The following ZNF558 variants were observed in gnomAD, a reference collection of about 807,000 sequenced individuals.
The protein encoded by ZNF558 is zinc finger protein 558.
A neutral mutation model predicts 37.6 loss-of-function variants in ZNF558; 23 were observed. That is an observed-to-expected ratio of 0.61 (90% confidence interval 0.44 to 0.87). ZNF558 has a LOEUF of 0.87. ZNF558 is among the 40% of genes least tolerant of loss of function. The pLI is 0.00. For synonymous variants in ZNF558, 189 were observed against 174.4 expected, an observed-to-expected ratio of 1.08 and a Z score of -0.66; for missense variants, 429 against 483.7, an observed-to-expected ratio of 0.89 and a Z score of 1.06.
chr19:8,822,170 C>T lies in ZNF558; in HGVS notation c.32-79G>A. 1 of 1,557,488 alleles carries T rather than the reference C, an allele frequency of 6.4e-7. No individual in the cohort carries two copies. The highest frequency in any genetic ancestry group is 8.8e-7 in the Non-Finnish European group (1 of 1,136,182). ...TCTGCCCCTGATTGACCACACCCAC[C>T]TCCCACACCCACACGGATGAGGCAC... On this transcript the variant is annotated intron_variant, in intron 5 of 9. Transcript: ENST00000601372. The surrounding 1 kb of genome is among the most constrained non-coding windows in gnomAD (Gnocchi z 4.4).
rs78045820 is a variant in ZNF558, at chr19:8,819,151, G to C, written c.247+2029C>G. Among the ~76,000 whole-genome samples, 428 of 152,200 alleles carry C rather than the reference G, an allele frequency of 2.8e-3. 4 individuals carry two copies. Among genetic ancestry groups the C allele is most frequent in the African/African-American group, 9.9e-3 (410 of 41,536 alleles). The stretch of plus-strand genomic sequence containing the variant: ...TCACACCAAGAGCACAAGCAAAAAA[G>C]AAAAACTAGATACAACAGACTTCAT... On this transcript the variant is annotated intron_variant, in intron 7 of 9. Transcript: ENST00000601372.
Position 8,812,076 on chromosome 19 carries a change from A to G in ZNF558, c.427-13T>C, listed in dbSNP as rs782167768. On this transcript the variant is annotated splice_polypyrimidine_tract_variant and intron_variant, in intron 9 of 9. Transcript: ENST00000601372. Reference sequence around the variant, plus strand: ...GATGACTTCTTTCCTGTGGATTAAGAGATGAATGATAACTATAATTTATAA... The same window carrying G: ...GATGACTTCTTTCCTGTGGATTAAGGGATGAATGATAACTATAATTTATAA... The G allele has an allele frequency of 9.4e-5, 144 of 1,529,910 alleles. No individual in the cohort carries two copies. The highest frequency in any genetic ancestry group is 1.5e-4 in the Admixed American group (7 of 45,398). 94.8% of individuals were successfully genotyped at this position (1,529,910 alleles called of 1,614,324 possible).
At chr19:8,815,474 C>T (rs1335503311) in intron 7 of ZNF558, among the ~76,000 whole-genome samples, 1 of 151,856 alleles carries the variant, frequency 6.6e-6, no homozygotes, top group African/African-American at 2.4e-5. Context: ...CGATATTATC[C>T]AGTCTGAGGA....
chr19:8,815,738 ATCAC>A (rs749908566), intron 7 of ZNF558, among the ~76,000 whole-genome samples: 1 of 151,922 alleles, frequency 6.6e-6, no homozygotes, highest in Non-Finnish European at 1.5e-5. Flanking sequence ...GTAAGCCACA[ATCAC>A]TCTGCTGCAC....
At chr19:8,828,805 T>C (rs1193126073) in intron 2 of ZNF558, among the ~76,000 whole-genome samples, 1 of 151,856 alleles carries the variant, frequency 6.6e-6, no homozygotes, top group African/African-American at 2.4e-5. Flanking sequence ...CTACTCAAAA[T>C]ACAAAAAATT....
intron 2 of ZNF558, among the ~76,000 whole-genome samples, chr19:8,827,722 C>G (rs544271882): frequency 6.6e-6 from 1 of 152,076 alleles, no homozygotes; most frequent in South Asian, 2.1e-4. Flanking sequence ...TACAGGTGTG[C>G]ACCACCACAC....
At chr19:8,837,882 G>A in the ZNF558 span, among the ~76,000 whole-genome samples, 1 of 152,200 alleles carries the variant, frequency 6.6e-6, no homozygotes, top group South Asian at 2.1e-4. Flanking sequence ...TGAAACAACT[G>A]GAAGGGACCA....
upstream of ZNF558, among the ~76,000 whole-genome samples, chr19:8,834,700 T>C (rs2044435896): frequency 6.7e-6 from 1 of 149,632 alleles, no homozygotes; most frequent in South Asian, 2.1e-4. Flanking sequence ...GGACCTCTAC[T>C]TCACACCATG....
intron 2 of ZNF558, among the ~76,000 whole-genome samples, chr19:8,829,045 C>T (rs772854298): frequency 1.9e-4 from 28 of 150,878 alleles, no homozygotes; most frequent in Admixed American, 1.3e-3. Flanking sequence ...GGGTGGATCA[C>T]GAAGTCAGGA....
At chr19:8,812,469 C>T (rs2043819635) in intron 9 of ZNF558, 92 bp downstream of exon 9, 2 of 787,622 alleles carry the variant, frequency 2.5e-6, no homozygotes, top group East Asian at 2.8e-5. Context: ...TGACACTTTC[C>T]TTTAATGCCT....
At chr19:8,835,324 T>C (rs2145340695), upstream of ZNF558, among the ~76,000 whole-genome samples, 1 of 152,252 alleles carries the variant, frequency 6.6e-6, no homozygotes, top group Non-Finnish European at 1.5e-5. Flanking sequence ...AGTGCTGGGA[T>C]TACAGGTGTG....
rs1395198899 is a variant in ZNF558 at position 8,808,583 on chromosome 19, AT to A, written c.*2697del. The A allele has an allele frequency of 6.6e-6, 1 of 152,226 alleles. No individual in the cohort carries two copies. The highest frequency in any genetic ancestry group is 1.5e-5 in the Non-Finnish European group (1 of 68,038). 9.4% of individuals were successfully genotyped at this position (152,226 alleles called of 1,614,324 possible). On this transcript the variant is annotated 3_prime_UTR_variant, in exon 10 of 10. Transcript: ENST00000601372. ...GTACTTGGAAATACAATTAAGTTGCATTAATGTTCATATACCCTATATCCAA... is the reference window on the plus strand; with the variant it reads ...GTACTTGGAAATACAATTAAGTTGCATAATGTTCATATACCCTATATCCAA...
At chr19:8,837,175 G>A (rs1280543179), upstream of ZNF558, among the ~76,000 whole-genome samples, 1 of 152,164 alleles carries the variant, frequency 6.6e-6, no homozygotes, top group Non-Finnish European at 1.5e-5. Context: ...CAGGTACTTG[G>A]TAACATATAC....
chr19:8,808,787 TTTG>T lies in ZNF558; in HGVS notation c.*2491_*2493del, dbSNP rs1225156737. On this transcript the variant is annotated 3_prime_UTR_variant, in exon 10 of 10. Coordinates refer to ENST00000601372, the MANE Select transcript of ZNF558 (RefSeq NM_144693.3). ...GGGTTTCTTTTTTTAAAAATATTTA[TTTG>T]TTTATTTTGAGATGGAGTCTCGCTC... 3.3e-5 allele frequency: 5 copies of T among 152,042 alleles called. No homozygotes were observed. Among genetic ancestry groups the T allele is most frequent in the Admixed American group, 3.3e-4 (5 of 15,264 alleles). 9.4% of individuals were successfully genotyped at this position (152,042 alleles called of 1,614,324 possible).
At chr19:8,814,930 T>C (rs2043894514) in intron 7 of ZNF558, among the ~76,000 whole-genome samples, 2 of 152,228 alleles carry the variant, frequency 1.3e-5, no homozygotes, top group South Asian at 4.1e-4. Flanking sequence ...AATAGTTCTA[T>C]TTCACAACTA....
intron 3 of ZNF558, among the ~76,000 whole-genome samples, chr19:8,824,799 C>A (rs894878339): frequency 7.9e-5 from 12 of 152,196 alleles, no homozygotes; most frequent in African/African-American, 2.9e-4. Context: ...CCCCTCAAGC[C>A]TGATGTGGCA....
upstream of ZNF558, among the ~76,000 whole-genome samples, chr19:8,834,382 G>A (rs1290982958): frequency 6.6e-6 from 1 of 152,106 alleles, no homozygotes; most frequent in African/African-American, 2.4e-5. Context: ...GGCTGAGGCA[G>A]GCAGATCACG....
chr19:8,821,185 G>A lies in ZNF558; in HGVS notation c.242C>T (p.Ser81Leu), dbSNP rs778915142. ...AGGAATGACATTAGGCTTACCTAGT[G>A]AGGCCAGGTTCCTGCAGTTCTCCAG... Reference protein sequence around the residue: ...VMLENCRNLASLGCRVNKPSL... With the variant: ...VMLENCRNLALLGCRVNKPSL... Residue 81 changes from serine to leucine, a missense_variant, in exon 7 of 10, where the codon TCA becomes TTA. Coordinates refer to ENST00000601372, the MANE Select transcript of ZNF558 (RefSeq NM_144693.3). 1.4e-5 allele frequency: 23 copies of A among 1,613,750 alleles called. No individual in the cohort carries two copies. The highest frequency in any genetic ancestry group is 1.6e-4 in the Middle Eastern group (1 of 6,084).
At chr19:8,827,599 G>A (rs1307359864) in intron 2 of ZNF558, among the ~76,000 whole-genome samples, 8 of 119,878 alleles carry the variant, frequency 6.7e-5, no homozygotes, top group African/African-American at 1.7e-4. Context: ...TTTTTTTGAG[G>A]AGTCTCACTC....
Sources: allele counts gnomAD v4.1 joint callset (sites outside exome capture counted in the v4.1 genomes callset), GRCh38; gene constraint gnomAD v4.1.1; non-coding constraint Gnocchi (gnomAD v3.1); transcripts MANE v1.5; gene names NCBI Gene and HGNC (gene_info 2026-07-23, HGNC 2026-07-21).